The following CHRM3 variants were observed in gnomAD, a reference collection of about 807,000 sequenced individuals.
CHRM3 encodes the protein cholinergic receptor muscarinic 3.
A neutral mutation model predicts 41.8 loss-of-function variants in CHRM3; 11 were observed. The observed-to-expected ratio is 0.26, with a 90% confidence interval of 0.17 to 0.44. The LOEUF is 0.44. CHRM3 is among the 20% of genes least tolerant of loss of function. CHRM3 has a pLI of 1.00. For synonymous variants in CHRM3, 297 were observed against 301.4 expected, an observed-to-expected ratio of 0.99 and a Z score of 0.15; for missense variants, 571 against 745.4, an observed-to-expected ratio of 0.77 and a Z score of 2.72.
intron 3 of CHRM3, among the ~76,000 whole-genome samples, chr1:239,559,187 G>C (rs893444552): frequency 1.3e-5 from 2 of 152,130 alleles, no homozygotes; most frequent in African/African-American, 4.8e-5. Context: ...ACTGTGAAAA[G>C]GTCATACTAG....
At chr1:239,650,665 A>T (rs1256002042) in intron 4 of CHRM3, among the ~76,000 whole-genome samples, 7 of 152,216 alleles carry the variant, frequency 4.6e-5, no homozygotes, top group Non-Finnish European at 1.0e-4. Context: ...TAAATTTAAT[A>T]AAAATGGATT....
chr1:239,742,447 T>G (rs1421812932), intron 5 of CHRM3, among the ~76,000 whole-genome samples: 1 of 152,140 alleles, frequency 6.6e-6, no homozygotes, highest in African/African-American at 2.4e-5. Flanking sequence ...CAGGACTCTC[T>G]GCGGGTGTTT....
intron 3 of CHRM3, among the ~76,000 whole-genome samples, chr1:239,556,754 G>A (rs1660396317): frequency 6.6e-6 from 1 of 151,726 alleles, no homozygotes; most frequent in Non-Finnish European, 1.5e-5. Flanking sequence ...AGACAGAAAT[G>A]GTAAAAATGT....
intron 3 of CHRM3, among the ~76,000 whole-genome samples, chr1:239,560,329 G>C (rs1011816317): frequency 1.3e-5 from 2 of 151,700 alleles, no homozygotes; most frequent in African/African-American, 4.8e-5. Flanking sequence ...TCTTTTTATG[G>C]TCATTAATTT....
chr1:239,777,278 G>A (rs1668164164), intron 5 of CHRM3, among the ~76,000 whole-genome samples: 1 of 152,202 alleles, frequency 6.6e-6, no homozygotes. Flanking sequence ...GAAGAGACTA[G>A]TCAGGCAAAA....
chr1:239,743,777 C>CTTTTTTTTTT (rs992688177), intron 5 of CHRM3, among the ~76,000 whole-genome samples: 7 of 122,518 alleles, frequency 5.7e-5, no homozygotes, highest in Non-Finnish European at 7.0e-5. Flanking sequence ...TTTTCTTTTT[C>CTTTTTTTTTT]TTTTTTTTTT....
intron 1 of CHRM3, among the ~76,000 whole-genome samples, chr1:239,478,276 G>A (rs965758982): frequency 7.2e-5 from 11 of 152,174 alleles, no homozygotes; most frequent in Non-Finnish European, 1.5e-4. Flanking sequence ...CTGGCAGCCT[G>A]ACAAAAGAAG....
chr1:239,821,950 A>G (rs1288660805), intron 5 of CHRM3, among the ~76,000 whole-genome samples: 1 of 151,988 alleles, frequency 6.6e-6, no homozygotes, highest in Non-Finnish European at 1.5e-5. Flanking sequence ...CCCTGCCTGC[A>G]CTCACTACGT....
chr1:239,662,890 C>CTCCTCCTCTTCTTCTTCT (rs1553356847), intron 4 of CHRM3, among the ~76,000 whole-genome samples: 1 of 14,894 alleles, frequency 6.7e-5, no homozygotes. Flanking sequence ...CCTCTTCCTC[C>CTCCTCCTCTTCTTCTTCT]TCCTCTTCTT....
intron 3 of CHRM3, among the ~76,000 whole-genome samples, chr1:239,594,127 G>A (rs533704118): frequency 1.3e-5 from 2 of 152,080 alleles, no homozygotes; most frequent in Non-Finnish European, 2.9e-5. Context: ...ACACAATTTA[G>A]CATTATTAGT....
chr1:239,812,758 A>G (rs1348031473), intron 5 of CHRM3, among the ~76,000 whole-genome samples: 3 of 152,210 alleles, frequency 2.0e-5, no homozygotes, highest in African/African-American at 4.8e-5. Context: ...TGCCAAGCAC[A>G]TTACTCAATT....
At chr1:239,741,157 A>G (rs1288719121) in intron 5 of CHRM3, among the ~76,000 whole-genome samples, 2 of 152,194 alleles carry the variant, frequency 1.3e-5, no homozygotes, top group African/African-American at 2.4e-5. Context: ...TTTATATGAC[A>G]TGGGAACCTT....
At chr1:239,417,230 G>A (rs1661564253) in intron 1 of CHRM3, among the ~76,000 whole-genome samples, 1 of 152,194 alleles carries the variant, frequency 6.6e-6, no homozygotes, top group South Asian at 2.1e-4. Flanking sequence ...GGAAAAATGT[G>A]TGAATGGAGA....
intron 5 of CHRM3, among the ~76,000 whole-genome samples, chr1:239,718,578 G>C (rs12047255): frequency 1.3e-3 from 205 of 152,022 alleles, no homozygotes; most frequent in South Asian, 3.7e-3. Context: ...CTGAGTGTTA[G>C]CAGTAAAACA....
At chr1:239,676,187 A>G (rs776001636) in intron 4 of CHRM3, among the ~76,000 whole-genome samples, 3 of 152,212 alleles carry the variant, frequency 2.0e-5, no homozygotes, top group Non-Finnish European at 2.9e-5. Flanking sequence ...TTACTAAAGT[A>G]CTAAGGATTT....
chr1:239,604,281 T>G (rs10925925), intron 3 of CHRM3, among the ~76,000 whole-genome samples: 98,711 of 148,180 alleles, frequency 0.67, 36,130 homozygotes, highest in Non-Finnish European at 0.8. Context: ...TTAGCACATC[T>G]GGGAAACTAG....
intron 2 of CHRM3, among the ~76,000 whole-genome samples, chr1:239,510,538 A>AT (rs1295995183): frequency 0.025 from 3,632 of 142,758 alleles, 64 homozygotes; most frequent in South Asian, 0.043. Flanking sequence ...AACCCCTCAG[A>AT]TTTTTTTTTT....
intron 1 of CHRM3, among the ~76,000 whole-genome samples, chr1:239,428,670 AT>A (rs1662588447): frequency 6.6e-6 from 1 of 152,196 alleles, no homozygotes; most frequent in Admixed American, 6.5e-5. Context: ...TTAGTAAAAT[AT>A]TTTCCCTGTT....
intron 1 of CHRM3, among the ~76,000 whole-genome samples, chr1:239,434,332 A>G (rs1264992506): frequency 6.6e-6 from 1 of 152,162 alleles, no homozygotes; most frequent in Non-Finnish European, 1.5e-5. Flanking sequence ...TCTACCTGGA[A>G]GGCCCTTTCT....
Sources: gnomAD v4.1 joint callset for allele counts (sites outside exome capture counted in the v4.1 genomes callset) on GRCh38, gnomAD v4.1.1 for gene constraint, MANE v1.5 for transcripts, NCBI Gene and HGNC (gene_info 2026-07-23, HGNC 2026-07-21) for gene names.